The following ABR variants were observed in gnomAD, a reference collection of about 807,000 sequenced individuals.
ABR encodes the protein active breakpoint cluster region-related protein.
Under a neutral mutation model 107.2 loss-of-function variants are expected in ABR, and 35 were observed. That is an observed-to-expected ratio of 0.33 (90% confidence interval 0.25 to 0.43). The LOEUF is 0.43. ABR is among the 20% of genes least tolerant of loss of function. The probability of loss-of-function intolerance (pLI) is 1.00; values close to 1 mark genes in which losing one functional copy is unlikely to be tolerated. For missense variants in ABR, 815 were observed against 1,115.2 expected, an observed-to-expected ratio of 0.73 and a Z score of 3.83; for synonymous variants, 498 against 462.0, an observed-to-expected ratio of 1.08 and a Z score of -1.00.
intron 1 of ABR, among the ~76,000 whole-genome samples, chr17:1,167,388 G>A (rs563323667): frequency 1.3e-5 from 2 of 148,998 alleles, no homozygotes; most frequent in Non-Finnish European, 2.9e-5. Context: ...AGCCACCCCT[G>A]ACTCCAACCA....
chr17:1,216,923 G>A (rs1030866658), intron 1 of ABR, among the ~76,000 whole-genome samples: 9 of 152,118 alleles, frequency 5.9e-5, no homozygotes, highest in Non-Finnish European at 1.2e-4. Context: ...ACAGGCGTGG[G>A]GGGATCCTAG....
rs551300261 is a variant in ABR at position 1,078,195 on chromosome 17, T to C, written c.700+1135A>G. ...GCCCTGCCGACCTGCCTTCCACAGTTGAGGGCCCAGACCTCGGCTGGGGGT... is the reference window on the plus strand; with the variant it reads ...GCCCTGCCGACCTGCCTTCCACAGTCGAGGGCCCAGACCTCGGCTGGGGGT... On this transcript the variant is annotated intron_variant, in intron 6 of 22. Transcript: ENST00000302538. This position sits in a 1 kb window ranked among gnomAD's most constrained non-coding sequence, Gnocchi z 7.5. Among the ~76,000 whole-genome samples the C allele has an allele frequency of 3.2e-4, 49 of 152,002 alleles. No homozygotes were observed. Among genetic ancestry groups the C allele is most frequent in the Non-Finnish European group, 5.3e-4 (36 of 67,956 alleles).
At chr17:1,075,200 C>A (rs942833807) in intron 6 of ABR, among the ~76,000 whole-genome samples, 1 of 152,258 alleles carries the variant, frequency 6.6e-6, no homozygotes, top group African/African-American at 2.4e-5. Context: ...TTCCTGTACG[C>A]GGCTGCGCCC....
At chr17:1,118,031 C>T (rs1289744767) in intron 2 of ABR, among the ~76,000 whole-genome samples, 19 of 51,582 alleles carry the variant, frequency 3.7e-4, no homozygotes, top group African/African-American at 1.2e-3. Context: ...CCAGCGTTAT[C>T]GCTGAGCCTG....
In ABR at chr17:1,011,806, A is replaced by T. The variant is rs747230221; in HGVS notation, c.2101+40T>A. 2 of 1,540,452 alleles carry T rather than the reference A, an allele frequency of 1.3e-6. No homozygotes were observed. The highest frequency in any genetic ancestry group is 1.8e-6 in the Non-Finnish European group (2 of 1,137,414). Reference sequence around the variant, plus strand: ...CTGTCCATCCCACCAGCCTGCTCAGACACAGCCACACCTGCCCCGGCTGGG... The same window carrying T: ...CTGTCCATCCCACCAGCCTGCTCAGTCACAGCCACACCTGCCCCGGCTGGG... On this transcript the variant is annotated intron_variant, in intron 19 of 22. Transcript: ENST00000302538. This position sits in a 1 kb window ranked among gnomAD's most constrained non-coding sequence, Gnocchi z 4.8.
In ABR at chr17:1,004,954, C is replaced by A. The variant is rs1362522787; in HGVS notation, c.*1126G>T. 13 of 398,880 alleles carry A rather than the reference C, an allele frequency of 3.3e-5. No homozygotes were observed. The highest frequency in any genetic ancestry group is 1.3e-3 in the Middle Eastern group (2 of 1,588). 24.7% of individuals were successfully genotyped at this position (398,880 alleles called of 1,614,324 possible). A position where few individuals can be genotyped will look rare whatever the true frequency, so the allele number is the denominator to read the frequency against. On this transcript the variant is annotated 3_prime_UTR_variant, in exon 23 of 23. Transcript: ENST00000302538. ...CGAGGTCCTGCGGTGCCAGGGAGCT[C>A]CTGGCTGCAGCCTACCTGCCTGGAC...
At position 1,156,917 on chromosome 17, in the gene ABR, G is replaced by C. The variant is rs565335702; in HGVS notation, c.61+22750C>G. On this transcript the variant is annotated intron_variant, in intron 1 of 22. Transcript: ENST00000302538. ...CCACCTCCAACCTCCTTTTAGCCGA[G>C]GGTTTTGAGCTCATTTCAACACAGC... Among the ~76,000 whole-genome samples, 12 of 152,268 alleles carry C rather than the reference G, an allele frequency of 7.9e-5. No homozygotes were observed. In the South Asian group the frequency reaches 2.5e-3, roughly 32 times the overall value.
chr17:1,224,974 C>T (rs1022456087), intron 1 of ABR, among the ~76,000 whole-genome samples: 1 of 151,694 alleles, frequency 6.6e-6, no homozygotes, highest in Non-Finnish European at 1.5e-5. Flanking sequence ...ACGGTGAAAC[C>T]CTGTCTCTAC....
chr17:1,203,354 C>CGGG (rs568938130), intron 1 of ABR, among the ~76,000 whole-genome samples: 2 of 55,264 alleles, frequency 3.6e-5, no homozygotes, highest in African/African-American at 1.2e-4. Flanking sequence ...GAGGAGCCTG[C>CGGG]GGGGCGGTCC....
chr17:1,112,092 C>T (rs751230275), intron 2 of ABR, among the ~76,000 whole-genome samples: 3 of 152,214 alleles, frequency 2.0e-5, no homozygotes, highest in Non-Finnish European at 2.9e-5. Flanking sequence ...GCTTTAGAGC[C>T]TCTTACACCC....
chr17:1,209,791 TTTG>T (rs766520924), intron 1 of ABR, among the ~76,000 whole-genome samples: 34 of 152,208 alleles, frequency 2.2e-4, no homozygotes, highest in Non-Finnish European at 2.5e-4. Context: ...ATTATACTGT[TTTG>T]TTGACCTTTT....
rs112222393 is a variant in ABR, at chr17:1,179,283, G to C, written c.61+384C>G. ...CTTCAGCCTGGACAGAGAAGCTGCCGGTCCAGGGGCGGGGGCAGCACCCAG... is the reference window on the plus strand; with the variant it reads ...CTTCAGCCTGGACAGAGAAGCTGCCCGTCCAGGGGCGGGGGCAGCACCCAG... On this transcript the variant is annotated intron_variant, in intron 1 of 22. Coordinates refer to ENST00000302538, the MANE Select transcript of ABR (RefSeq NM_021962.5). This position sits in a 1 kb window ranked among gnomAD's most constrained non-coding sequence, Gnocchi z 4.9. Among the ~76,000 whole-genome samples the C allele has an allele frequency of 2.0e-5, 3 of 151,932 alleles. No homozygotes were observed. Among genetic ancestry groups the C allele is most frequent in the East Asian group, 1.9e-4 (1 of 5,138 alleles).
Position 1,084,331 on chromosome 17 carries a change from C to T in ABR, c.532-704G>A, listed in dbSNP as rs1412296423. The stretch of plus-strand genomic sequence containing the variant: ...GGTGGAGGCTGCAGTGAACCAAGAT[C>T]GTGTCACTGCACTCCAGCCTGGGTG... On this transcript the variant is annotated intron_variant, in intron 4 of 22. Transcript: ENST00000302538. This position sits in a 1 kb window ranked among gnomAD's most constrained non-coding sequence, Gnocchi z 4.2. Among the ~76,000 whole-genome samples, 2 of 152,222 alleles carry T rather than the reference C, an allele frequency of 1.3e-5. No individual in the cohort carries two copies. Among genetic ancestry groups the T allele is most frequent in the Non-Finnish European group, 2.9e-5 (2 of 68,040 alleles).
At chr17:1,184,118 C>G (rs2042218885), upstream of ABR, among the ~76,000 whole-genome samples, 1 of 151,004 alleles carries the variant, frequency 6.6e-6, no homozygotes, top group Non-Finnish European at 1.5e-5. Context: ...GATCCTGTCA[C>G]TGCACTCCAG....
At chr17:1,009,931 C>T (rs956359646) in intron 20 of ABR, 147 bp from the exon 21 acceptor site, 1 of 662,216 alleles carries the variant, frequency 1.5e-6, no homozygotes, top group African/African-American at 1.8e-5. Context: ...GGCCTGGTGT[C>T]TGGGTGGGCT....
intron 16 of ABR, among the ~76,000 whole-genome samples, chr17:1,040,215 C>G (rs2030127729): frequency 6.6e-6 from 1 of 152,168 alleles, no homozygotes; most frequent in African/African-American, 2.4e-5. Context: ...GCGCAGGACC[C>G]TCAGGCAGGG....
upstream of ABR, among the ~76,000 whole-genome samples, chr17:1,191,837 G>A (rs1263215923): frequency 1.3e-5 from 2 of 152,092 alleles, no homozygotes; most frequent in South Asian, 2.1e-4. Flanking sequence ...CATTGTCACC[G>A]TGCCACACGA....
intron 16 of ABR, among the ~76,000 whole-genome samples, chr17:1,033,830 C>T (rs1478771377): frequency 6.6e-6 from 1 of 152,054 alleles, no homozygotes; most frequent in Non-Finnish European, 1.5e-5. Context: ...CCTCAGTCAC[C>T]CTTCTCCACC....
chr17:1,090,359 C>T (rs2036937704), intron 4 of ABR, among the ~76,000 whole-genome samples: 1 of 151,184 alleles, frequency 6.6e-6, no homozygotes, highest in Non-Finnish European at 1.5e-5. Flanking sequence ...AAGGGGCCGT[C>T]GAGGTTTCAG....
Sources: allele counts gnomAD v4.1 joint callset (sites outside exome capture counted in the v4.1 genomes callset), GRCh38; gene constraint gnomAD v4.1.1; non-coding constraint Gnocchi (gnomAD v3.1); transcripts MANE v1.5; gene names NCBI Gene and HGNC (gene_info 2026-07-23, HGNC 2026-07-21).